The following WWOX variants were observed in gnomAD, a reference collection of about 807,000 sequenced individuals.
WWOX encodes WW domain containing oxidoreductase.
WWOX carries 69 observed loss-of-function variants against 46.2 expected under a neutral mutation model. The observed-to-expected ratio is 1.49, with a 90% CI of 1.23 to 1.82. The LOEUF (loss-of-function observed/expected upper bound fraction) is 1.82. WWOX is among the 40% of genes most tolerant of loss of function. The pLI, the probability that WWOX is intolerant of heterozygous loss-of-function variation, is 0.00. For synonymous variants in WWOX, 359 were observed against 202.6 expected (o/e 1.77, Z -6.56); for missense variants, 919 against 542.6 (o/e 1.69, Z -6.89).
chr16:78,181,817 A>G (rs775514410), intron 5 of WWOX, among the ~76,000 whole-genome samples: 1 of 152,186 alleles, frequency 6.6e-6, no homozygotes, highest in Non-Finnish European at 1.5e-5. Context: ...GTATAATTAA[A>G]TATAGATTTT....
intron 8 of WWOX, among the ~76,000 whole-genome samples, chr16:78,863,735 A>C (rs2043943054): frequency 6.6e-6 from 1 of 152,252 alleles, no homozygotes; most frequent in Admixed American, 6.5e-5. Context: ...TGAATAAATT[A>C]ATGGGTGGTC....
At chr16:78,621,777 T>G (rs929970947) in intron 8 of WWOX, among the ~76,000 whole-genome samples, 7 of 151,720 alleles carry the variant, frequency 4.6e-5, no homozygotes, top group African/African-American at 1.7e-4. Context: ...GCTAATTTTT[T>G]GTATTTTTTA....
intron 8 of WWOX, among the ~76,000 whole-genome samples, chr16:78,990,615 G>C (rs145917497): frequency 2.4e-4 from 36 of 152,162 alleles, no homozygotes; most frequent in African/African-American, 8.4e-4. Context: ...ATGGTAGAGC[G>C]AACAGGCCAG....
At chr16:78,469,310 C>T (rs1231483801) in intron 8 of WWOX, among the ~76,000 whole-genome samples, 2 of 152,086 alleles carry the variant, frequency 1.3e-5, no homozygotes, top group African/African-American at 2.4e-5. Context: ...AATTTGTTTT[C>T]CATCTAAGAG....
intron 8 of WWOX, among the ~76,000 whole-genome samples, chr16:79,132,308 G>C (rs1173009760): frequency 6.6e-6 from 1 of 152,168 alleles, no homozygotes; most frequent in Non-Finnish European, 1.5e-5. Flanking sequence ...CCTAGGCTTT[G>C]ATTTCAGGCA....
chr16:78,160,203 A>C (rs931022113), intron 4 of WWOX, among the ~76,000 whole-genome samples: 1 of 150,062 alleles, frequency 6.7e-6, no homozygotes, highest in Non-Finnish European at 1.5e-5. Context: ...TTTTTTTTGG[A>C]GCAAGATCTC....
intron 5 of WWOX, among the ~76,000 whole-genome samples, chr16:78,358,193 C>A (rs573337093): frequency 1.3e-5 from 2 of 152,046 alleles, no homozygotes; most frequent in African/African-American, 4.8e-5. Flanking sequence ...ATTCTCCTAT[C>A]GAAAGATAAC....
intron 8 of WWOX, among the ~76,000 whole-genome samples, chr16:78,574,283 G>C (rs186915252): frequency 1.6e-4 from 24 of 152,290 alleles, no homozygotes; most frequent in African/African-American, 5.3e-4. Context: ...ACATTTGCCA[G>C]ATTTCTGCTG....
intron 8 of WWOX, among the ~76,000 whole-genome samples, chr16:78,964,019 C>G (rs896707717): frequency 1.3e-5 from 2 of 152,218 alleles, no homozygotes; most frequent in African/African-American, 2.4e-5. Context: ...CACCATGATT[C>G]TGAGACCTCC....
intron 8 of WWOX, among the ~76,000 whole-genome samples, chr16:78,961,057 C>G (rs1207564364): frequency 6.6e-6 from 1 of 152,100 alleles, no homozygotes; most frequent in Non-Finnish European, 1.5e-5. Context: ...GGCATGATGA[C>G]CCTCAGGCCC....
chr16:78,460,482 C>T (rs1454134029), intron 8 of WWOX, among the ~76,000 whole-genome samples: 1 of 152,170 alleles, frequency 6.6e-6, no homozygotes, highest in African/African-American at 2.4e-5. Flanking sequence ...TCCTTTCCTC[C>T]CTGAATACTC....
At chr16:79,014,276 G>A (rs1221334041) in intron 8 of WWOX, among the ~76,000 whole-genome samples, 1 of 152,180 alleles carries the variant, frequency 6.6e-6, no homozygotes. Context: ...AGAATACCAT[G>A]CCCACCCGGT....
intron 8 of WWOX, among the ~76,000 whole-genome samples, chr16:78,653,629 G>A (rs1448248149): frequency 2.0e-5 from 3 of 152,218 alleles, no homozygotes; most frequent in African/African-American, 7.2e-5. Flanking sequence ...GACAACCTCC[G>A]ACCTTAGTTG....
chr16:78,306,904 G>C lies in WWOX; in HGVS notation c.517-79956G>C, dbSNP rs542742038. 2.6e-5 allele frequency among the ~76,000 whole-genome samples: 4 copies of C among 152,280 alleles called. No homozygotes were observed. The East Asian group carries it at 7.7e-4, about 29-fold the overall frequency. On this transcript the variant is annotated intron_variant, in intron 5 of 8. Coordinates refer to ENST00000566780, the MANE Select transcript of WWOX (RefSeq NM_016373.4). ...CCAGTGAACCCCACTTGTGTAGTGT[G>C]TCTGTGAGTAGTCTGCCCACTCTCC...
intron 8 of WWOX, among the ~76,000 whole-genome samples, chr16:79,065,611 G>A (rs376061562): frequency 1.3e-5 from 2 of 152,218 alleles, no homozygotes; most frequent in African/African-American, 4.8e-5. Context: ...AATTGGGGAA[G>A]TTCCAAATCT....
rs545245274 is a variant in WWOX, at chr16:78,812,488, G to A, written c.1056+379736G>A. On this transcript the variant is annotated intron_variant, in intron 8 of 8. Transcript: ENST00000566780. The stretch of plus-strand genomic sequence containing the variant: ...TGTAATCCTGACACTTTGGGAGGCC[G>A]AGGTGGACGGATCACCTGAGGTCAG... Among the ~76,000 whole-genome samples the A allele has an allele frequency of 3.9e-4, 59 of 152,200 alleles. No individual in the cohort carries two copies. In the South Asian group the frequency reaches 9.3e-3, roughly 24 times the overall value.
chr16:78,438,733 C>T (rs1428749482), intron 8 of WWOX, among the ~76,000 whole-genome samples: 2 of 152,160 alleles, frequency 1.3e-5, no homozygotes, highest in Non-Finnish European at 2.9e-5. Context: ...TATGGAACTT[C>T]TGCGACGATC....
intron 8 of WWOX, among the ~76,000 whole-genome samples, chr16:78,919,736 C>T (rs781161345): frequency 2.6e-5 from 4 of 151,972 alleles, no homozygotes; most frequent in South Asian, 2.1e-4. Flanking sequence ...CAGCTGGTCT[C>T]GAACTCGTGA....
intron 5 of WWOX, among the ~76,000 whole-genome samples, chr16:78,213,553 A>C (rs902450249): frequency 1.3e-5 from 2 of 151,964 alleles, no homozygotes; most frequent in Admixed American, 1.3e-4. Context: ...TCTATTTTTA[A>C]TGTGACTGAG....
Sources: allele counts gnomAD v4.1 joint callset (sites outside exome capture counted in the v4.1 genomes callset), GRCh38; gene constraint gnomAD v4.1.1; transcripts MANE v1.5; gene names NCBI Gene and HGNC (gene_info 2026-07-23, HGNC 2026-07-21).